Variants in ATRNL1 observed in about 807,000 individuals in gnomAD.
ATRNL1 encodes attractin like 1.
A neutral mutation model predicts 182.7 loss-of-function variants in ATRNL1; 95 were observed. That is an observed-to-expected ratio of 0.52 (90% CI 0.44 to 0.62). The LOEUF (loss-of-function observed/expected upper bound fraction) is 0.62, where lower values mean the gene tolerates loss of function less well. Ranked by LOEUF, ATRNL1 falls within the 20% of genes least tolerant of loss-of-function variation. ATRNL1 has a pLI of 0.00. For synonymous variants in ATRNL1, 576 were observed against 568.3 expected (o/e 1.01, Z -0.19); for missense variants, 1,471 against 1,679.5 (o/e 0.88, Z 2.17).
At chr10:115,442,245 C>T (rs570168979) in intron 21 of ATRNL1, among the ~76,000 whole-genome samples, 4 of 135,844 alleles carry the variant, frequency 2.9e-5, no homozygotes, top group African/African-American at 5.7e-5. Context: ...CCTCAAACAG[C>T]GCAGCTTCAT....
At chr10:115,536,055 AG>A (rs1565143787) in intron 25 of ATRNL1, among the ~76,000 whole-genome samples, 2 of 151,752 alleles carry the variant, frequency 1.3e-5, no homozygotes, top group African/African-American at 2.4e-5. Context: ...CTCGGGGGTC[AG>A]GGGTCAGGGA....
chr10:115,449,938 C>A (rs904536738), intron 21 of ATRNL1, among the ~76,000 whole-genome samples: 7 of 152,088 alleles, frequency 4.6e-5, no homozygotes, highest in African/African-American at 1.7e-4. Context: ...CATCAAAAAG[C>A]TAATACACCA....
At chr10:115,656,818 G>C (rs1369143783) in intron 26 of ATRNL1, among the ~76,000 whole-genome samples, 1 of 151,992 alleles carries the variant, frequency 6.6e-6, no homozygotes, top group Non-Finnish European at 1.5e-5. Flanking sequence ...TTTATTCCTT[G>C]ATACATCCTA....
chr10:115,197,555 G>A (rs1848407297), intron 8 of ATRNL1, among the ~76,000 whole-genome samples: 1 of 151,998 alleles, frequency 6.6e-6, no homozygotes, highest in South Asian at 2.1e-4. Flanking sequence ...GGTTCAAATT[G>A]TAACAAATGA....
intron 8 of ATRNL1, among the ~76,000 whole-genome samples, chr10:115,203,659 A>T (rs1554893059): frequency 6.8e-6 from 1 of 147,358 alleles, no homozygotes. Flanking sequence ...GGCTCACTGC[A>T]ACCTATGCCT....
intron 27 of ATRNL1, among the ~76,000 whole-genome samples, chr10:115,756,341 C>A (rs1948590745): frequency 6.6e-6 from 1 of 152,134 alleles, no homozygotes; most frequent in Non-Finnish European, 1.5e-5. Context: ...TTAGCTGTGT[C>A]CCAGAGATTC....
intron 24 of ATRNL1, among the ~76,000 whole-genome samples, chr10:115,489,539 G>C (rs1476963379): frequency 2.6e-5 from 4 of 152,038 alleles, no homozygotes; most frequent in African/African-American, 9.7e-5. Context: ...CAGAGACTAG[G>C]GTTGCAACCT....
Position 115,315,603 on chromosome 10 carries a change from A to G in ATRNL1, c.2904A>G (p.Gly968=), listed in dbSNP as rs1554929374. Residue 968 remains glycine, a synonymous_variant, in exon 18 of 29, where the codon GGA becomes GGG. Transcript: ENST00000355044. ...CGWCNDPSNT[G]RGHCIEGSSR... ...GGTGCAATGATCCTAGTAATACAGGAAGAGGACATTGCATTGAAGGTTCTT... is the reference window on the plus strand; with the variant it reads ...GGTGCAATGATCCTAGTAATACAGGGAGAGGACATTGCATTGAAGGTTCTT... 5.6e-6 allele frequency: 9 copies of G among 1,613,948 alleles called. No individual in the cohort carries two copies. The highest frequency in any genetic ancestry group is 3.3e-5 in the Admixed American group (2 of 59,938).
chr10:115,110,002 A>T (rs1554867467), intron 1 of ATRNL1, among the ~76,000 whole-genome samples: 1 of 152,214 alleles, frequency 6.6e-6, no homozygotes, highest in Non-Finnish European at 1.5e-5. Context: ...GGTATCTTAT[A>T]TAGTCAGTAT....
chr10:115,463,209 T>G (rs1245514329), intron 22 of ATRNL1, among the ~76,000 whole-genome samples: 10 of 151,794 alleles, frequency 6.6e-5, no homozygotes, highest in Admixed American at 4.6e-4. Context: ...TTTCTTAAAT[T>G]TTTCTTTTCC....
Position 115,324,832 on chromosome 10 carries a change from C to A in ATRNL1, c.3037+9096C>A, listed in dbSNP as rs538540923. The stretch of plus-strand genomic sequence containing the variant: ...GGTCTGCTGGATTTTGGAACCCATG[C>A]CTCCTAGTTCTTATTCGTCTATTCC... On this transcript the variant is annotated intron_variant, in intron 18 of 28. Coordinates refer to ENST00000355044, the MANE Select transcript of ATRNL1 (RefSeq NM_207303.4). Among the ~76,000 whole-genome samples the A allele has an allele frequency of 7.2e-5, 11 of 152,232 alleles. No homozygotes were observed. In the South Asian group the frequency reaches 1.0e-3, roughly 14 times the overall value.
intron 25 of ATRNL1, among the ~76,000 whole-genome samples, chr10:115,529,982 C>T (rs1021366072): frequency 6.6e-6 from 1 of 152,090 alleles, no homozygotes; most frequent in Non-Finnish European, 1.5e-5. Context: ...TGGAATCGTA[C>T]AATATGTGTT....
chr10:115,323,841 G>T (rs1013572813), intron 18 of ATRNL1, among the ~76,000 whole-genome samples: 5 of 150,572 alleles, frequency 3.3e-5, no homozygotes, highest in African/African-American at 9.8e-5. Context: ...GCAGTGGCGC[G>T]ATCTCGGCTC....
At chr10:115,791,096 T>G (rs996301144) in intron 27 of ATRNL1, among the ~76,000 whole-genome samples, 24 of 152,210 alleles carry the variant, frequency 1.6e-4, no homozygotes, top group African/African-American at 5.3e-4. Context: ...TTTAATATCC[T>G]TCTCTTTTTT....
intron 9 of ATRNL1, among the ~76,000 whole-genome samples, chr10:115,240,847 A>G (rs1388448233): frequency 6.6e-6 from 1 of 152,024 alleles, no homozygotes; most frequent in African/African-American, 2.4e-5. Flanking sequence ...ATTAATTTTA[A>G]TGTTTCACAA....
At chr10:115,592,148 G>T (rs782331178) in intron 26 of ATRNL1, among the ~76,000 whole-genome samples, 1 of 152,112 alleles carries the variant, frequency 6.6e-6, no homozygotes, top group Non-Finnish European at 1.5e-5. Context: ...AGATGGCAAC[G>T]GTAGGTACTG....
At chr10:115,750,208 T>G (rs1319308242) in intron 27 of ATRNL1, among the ~76,000 whole-genome samples, 1 of 151,924 alleles carries the variant, frequency 6.6e-6, no homozygotes, top group Non-Finnish European at 1.5e-5. Flanking sequence ...TTACAGACAC[T>G]AATGGGCAGG....
chr10:115,737,562 A>G (rs1284133683), intron 27 of ATRNL1, among the ~76,000 whole-genome samples: 2 of 151,980 alleles, frequency 1.3e-5, no homozygotes, highest in Non-Finnish European at 2.9e-5. Flanking sequence ...TTCTCTTTGG[A>G]TTGCCATTCC....
intron 28 of ATRNL1, among the ~76,000 whole-genome samples, chr10:115,938,052 A>G (rs967420234): frequency 1.3e-5 from 2 of 152,198 alleles, no homozygotes; most frequent in Admixed American, 1.3e-4. Context: ...AGCATTTCAA[A>G]GTGAATGACT....
Sources: gnomAD v4.1 joint callset for allele counts (sites outside exome capture counted in the v4.1 genomes callset) on GRCh38, gnomAD v4.1.1 for gene constraint, MANE v1.5 for transcripts, NCBI Gene and HGNC (gene_info 2026-07-23, HGNC 2026-07-21) for gene names.